The following KIZ variants were observed in gnomAD, a reference collection of about 807,000 sequenced individuals.
KIZ encodes the protein centrosomal protein kizuna.
Under a neutral mutation model 79.6 loss-of-function variants are expected in KIZ, and 68 were observed. The ratio of observed to expected loss-of-function variants is 0.85; its 90% CI spans 0.70 to 1.05. The LOEUF (loss-of-function observed/expected upper bound fraction) is 1.05, where lower values mean the gene tolerates loss of function less well. KIZ is among the 50% of genes least tolerant of loss of function. The pLI is 0.00. For synonymous variants in KIZ, 280 were observed against 281.8 expected (o/e 0.99, Z 0.06); for missense variants, 797 against 800.4 (o/e 1.00, Z 0.05).
chr20:21,212,163 C>T (rs983750884), intron 7 of KIZ, among the ~76,000 whole-genome samples: 3 of 152,172 alleles, frequency 2.0e-5, no homozygotes, highest in Non-Finnish European at 2.9e-5. Context: ...CTTTTGTCTT[C>T]GTCCCTGCTT....
intron 6 of KIZ, among the ~76,000 whole-genome samples, chr20:21,201,442 C>T (rs1443783235): frequency 2.6e-5 from 4 of 152,248 alleles, no homozygotes; most frequent in East Asian, 1.9e-4. Context: ...CTTTCAGATA[C>T]GTTTCCCAAT....
At chr20:21,232,416 C>G (rs1214357571) in intron 10 of KIZ, among the ~76,000 whole-genome samples, 1 of 152,176 alleles carries the variant, frequency 6.6e-6, no homozygotes, top group Non-Finnish European at 1.5e-5. Context: ...GGGAATTATC[C>G]AGTGCTTTGT....
In KIZ at chr20:21,243,159, T is replaced by G. The variant is rs111628911; in HGVS notation, c.1881-1086T>G. On this transcript the variant is annotated intron_variant, in intron 11 of 12. Coordinates refer to ENST00000619189, the MANE Select transcript of KIZ (RefSeq NM_018474.6). ...GGACTGTCAGTCAGCTGCTGGCCTT[T>G]CCAGATGCTCGTAGGGGTCTTCCAT... Among the ~76,000 whole-genome samples, 1,302 of 152,226 alleles carry G rather than the reference T, an allele frequency of 8.6e-3. 24 individuals are homozygous for G. The highest frequency in any genetic ancestry group is 0.031 in the African/African-American group (1,275 of 41,520).
chr20:21,130,825 A>G (rs1013210633), intron 1 of KIZ, among the ~76,000 whole-genome samples: 1 of 152,182 alleles, frequency 6.6e-6, no homozygotes, highest in Non-Finnish European at 1.5e-5. Flanking sequence ...GACTTTTGGG[A>G]TGATCTTTTT....
At chr20:21,242,747 C>T (rs556713419) in intron 11 of KIZ, among the ~76,000 whole-genome samples, 52 of 152,204 alleles carry the variant, frequency 3.4e-4, no homozygotes, top group East Asian at 2.9e-3. Context: ...TGCCCCACCC[C>T]GCCACACCTT....
At chr20:21,134,559 G>A (rs143672077) in intron 2 of KIZ, among the ~76,000 whole-genome samples, 115 of 151,540 alleles carry the variant, frequency 7.6e-4, no homozygotes, top group African/African-American at 2.4e-3. Flanking sequence ...ATTTTTTGCC[G>A]TCGAGCTTTC....
At chr20:21,149,792 A>G (rs1474568770) in intron 4 of KIZ, among the ~76,000 whole-genome samples, 1 of 152,208 alleles carries the variant, frequency 6.6e-6, no homozygotes, top group Non-Finnish European at 1.5e-5. Flanking sequence ...GTGTGGGGGA[A>G]ACTTGATTGA....
intron 7 of KIZ, among the ~76,000 whole-genome samples, chr20:21,212,239 C>CA (rs2123268621): frequency 6.6e-6 from 1 of 152,188 alleles, no homozygotes; most frequent in Admixed American, 6.5e-5. Flanking sequence ...ACATTTCTAT[C>CA]AAAAAAGTAA....
chr20:21,167,237 A>G (rs2033982062), intron 6 of KIZ, among the ~76,000 whole-genome samples: 1 of 152,236 alleles, frequency 6.6e-6, no homozygotes. Flanking sequence ...GAAAATTCAT[A>G]CAACTCAGTT....
chr20:21,152,019 C>G (rs1041883307), intron 4 of KIZ, among the ~76,000 whole-genome samples: 1 of 152,162 alleles, frequency 6.6e-6, no homozygotes, highest in African/African-American at 2.4e-5. Context: ...TCCTCATGAT[C>G]TGGGCAGCGT....
chr20:21,229,839 G>A (rs1438833528), intron 10 of KIZ, among the ~76,000 whole-genome samples: 1 of 152,202 alleles, frequency 6.6e-6, no homozygotes, highest in Non-Finnish European at 1.5e-5. Context: ...GTCTCCCAAA[G>A]TGTTGGGATT....
At chr20:21,232,220 C>T (rs1181175744) in intron 10 of KIZ, among the ~76,000 whole-genome samples, 3 of 152,224 alleles carry the variant, frequency 2.0e-5, no homozygotes, top group Non-Finnish European at 4.4e-5. Context: ...GTGCATCCTC[C>T]TCCTCAACCT....
chr20:21,127,884 C>G (rs1395803266), intron 1 of KIZ, among the ~76,000 whole-genome samples: 2 of 152,062 alleles, frequency 1.3e-5, no homozygotes, highest in African/African-American at 2.4e-5. Flanking sequence ...TTTTCTTTCT[C>G]TCTTTGCTAG....
intron 9 of KIZ, among the ~76,000 whole-genome samples, chr20:21,224,863 TAAG>T (rs1275632668): frequency 2.6e-5 from 4 of 152,198 alleles, no homozygotes; most frequent in Admixed American, 6.5e-5. Context: ...AGAAAAAAGA[TAAG>T]AAGTTGAGGC....
intron 4 of KIZ, among the ~76,000 whole-genome samples, 183 bp from the exon 5 acceptor site, chr20:21,161,688 A>G (rs924016605): frequency 7.9e-5 from 12 of 151,966 alleles, no homozygotes; most frequent in Non-Finnish European, 1.6e-4. Context: ...ATTAAATCCT[A>G]TGGACTTTAC....
At chr20:21,172,645 G>A (rs1413961244) in intron 6 of KIZ, among the ~76,000 whole-genome samples, 1 of 152,058 alleles carries the variant, frequency 6.6e-6, no homozygotes, top group Non-Finnish European at 1.5e-5. Context: ...TAAGTAGATA[G>A]AGAAGGCATG....
rs1175571303 is a variant in KIZ, at chr20:21,132,081, A to C, written c.90-16A>C. On this transcript the variant is annotated splice_polypyrimidine_tract_variant and intron_variant, in intron 1 of 12. Coordinates refer to ENST00000619189, the MANE Select transcript of KIZ (RefSeq NM_018474.6). ...TACTTATCATGTAATTACTTATAAA[A>C]TGTTTTTTATTATAGTGAAAAGAAG... 4.7e-6 allele frequency: 5 copies of C among 1,059,094 alleles called. No homozygotes were observed. In the African/African-American group the frequency reaches 8.0e-5, roughly 17 times the overall value. The allele number at this position is 1,059,094 out of a possible 1,614,324, so 65.6% of individuals were successfully genotyped here. A position where few individuals can be genotyped will look rare whatever the true frequency, so the allele number is the denominator to read the frequency against.
chr20:21,205,487 A>T lies in KIZ; in HGVS notation c.1353-4A>T, dbSNP rs768101099. 2 of 1,389,358 alleles carry T rather than the reference A, an allele frequency of 1.4e-6. No individual in the cohort carries two copies. Among genetic ancestry groups the T allele is most frequent in the South Asian group, 2.5e-5 (2 of 79,260 alleles). 86.1% of individuals were successfully genotyped at this position (1,389,358 alleles called of 1,614,324 possible). On this transcript the variant is annotated splice_polypyrimidine_tract_variant and splice_region_variant and intron_variant, in intron 6 of 12. Transcript: ENST00000619189. ...ATAGTGAGTGTCCTGTTTCTGTTTT[A>T]TAGACCTGGACAAACACCAGACTCA...
chr20:21,128,308 C>T lies in KIZ; in HGVS notation c.89+2104C>T, dbSNP rs147581978. Reference sequence around the variant, plus strand: ...GATTACAGGTGTGAGCCACTGCACCCGGCCTTGGTTGTACCTTTTTAAACA... The same window carrying T: ...GATTACAGGTGTGAGCCACTGCACCTGGCCTTGGTTGTACCTTTTTAAACA... On this transcript the variant is annotated intron_variant, in intron 1 of 12. Transcript: ENST00000619189. 3.0e-3 allele frequency among the ~76,000 whole-genome samples: 450 copies of T among 152,282 alleles called. 1 individual carries two copies. The highest frequency in any genetic ancestry group is 0.01 in the African/African-American group (424 of 41,552).
Sources: gnomAD v4.1 joint callset for allele counts (sites outside exome capture counted in the v4.1 genomes callset) on GRCh38, gnomAD v4.1.1 for gene constraint, MANE v1.5 for transcripts, NCBI Gene and HGNC (gene_info 2026-07-23, HGNC 2026-07-21) for gene names.